Variants in HMMR observed in about 807,000 individuals in gnomAD.
HMMR encodes the protein intracellular hyaluronic acid-binding protein.
HMMR carries 108 observed loss-of-function variants against 101.0 expected under a neutral mutation model. That is an observed-to-expected ratio of 1.07 (90% CI 0.92 to 1.25). The LOEUF (loss-of-function observed/expected upper bound fraction) is 1.25, where lower values mean the gene tolerates loss of function less well. HMMR is among the 50% of genes most tolerant of loss of function. The probability of loss-of-function intolerance (pLI) is 0.00; values close to 1 mark genes in which losing one functional copy is unlikely to be tolerated. For missense variants in HMMR, 813 were observed against 788.7 expected, an observed-to-expected ratio of 1.03 and a Z score of -0.37; for synonymous variants, 296 against 276.4, an observed-to-expected ratio of 1.07 and a Z score of -0.70.
In HMMR at chr5:163,474,181, T is replaced by G. The variant is rs1758996046; in HGVS notation, c.1029T>G (p.Ile343Met). ...AGCTTCAACAAAAAGAATTACAAAT[T>G]GATTCACTTCTGCAACAAGAGAAAG... Reference protein sequence around the residue: ...REKLQQKELQIDSLLQQEKEL... With the variant: ...REKLQQKELQMDSLLQQEKEL... The change falls in exon 10 of 18, where the codon ATT becomes ATG. Residue 343 changes from isoleucine (I) to methionine (M), a missense_variant. Transcript: ENST00000393915. 1 of 1,608,466 alleles carries G rather than the reference T, an allele frequency of 6.2e-7. No individual in the cohort carries two copies. Among genetic ancestry groups the G allele is most frequent in the East Asian group, 2.2e-5 (1 of 44,700 alleles).
chr5:163,473,596 G>A (rs752604297), intron 9 of HMMR, 39 bp downstream of exon 9: 2 of 1,287,310 alleles, frequency 1.6e-6, no homozygotes, highest in East Asian at 2.4e-5. Context: ...TTAGATAAGT[G>A]TTACATACAA....
intron 1 of HMMR, among the ~76,000 whole-genome samples, chr5:163,462,893 C>G (rs1223175229): frequency 6.7e-6 from 1 of 149,540 alleles, no homozygotes; most frequent in Non-Finnish European, 1.5e-5. Context: ...ATTTAGGGGA[C>G]AGCAGTAGTT....
intron 3 of HMMR, among the ~76,000 whole-genome samples, chr5:163,465,429 G>A (rs991506285): frequency 6.6e-6 from 1 of 152,120 alleles, no homozygotes; most frequent in Non-Finnish European, 1.5e-5. Flanking sequence ...TGTCCCCACA[G>A]GCTCAAGCGA....
At chr5:163,474,678 T>C (rs1759012426) in intron 10 of HMMR, 1 of 415,486 alleles carries the variant, frequency 2.4e-6, no homozygotes, top group African/African-American at 2.1e-5. Context: ...ATACTCCACC[T>C]TAGTAGTAAC....
Position 163,474,198 on chromosome 5 carries a change from A to T in HMMR, c.1046A>T (p.Gln349Leu). ...TTACAAATTGATTCACTTCTGCAAC[A>T]AGAGAAAGTAATTTACCACCATATT... is the stretch of plus-strand genomic sequence containing the variant. The part of the protein sequence containing the change: ...KELQIDSLLQ[Q>L]EKELSSSLHQ... Residue 349 changes from glutamine to leucine, a missense_variant, in exon 10 of 18, where the codon CAA (glutamine) becomes CTA (leucine). Coordinates refer to ENST00000393915, the MANE Select transcript of HMMR (RefSeq NM_001142556.2). 6.2e-7 allele frequency: 1 copy of T among 1,601,316 alleles called. No individual in the cohort carries two copies. The highest frequency in any genetic ancestry group is 8.5e-7 in the Non-Finnish European group (1 of 1,174,820).
At chr5:163,467,132 C>G (rs747675189) in intron 3 of HMMR, among the ~76,000 whole-genome samples, 1 of 152,130 alleles carries the variant, frequency 6.6e-6, no homozygotes, top group Non-Finnish European at 1.5e-5. Context: ...ATGTTGATGC[C>G]TTTCTTCCAT....
rs1758645670 is a variant in HMMR, at chr5:163,464,747, A to G, written c.170A>G (p.Asp57Gly). 6.2e-7 allele frequency: 1 copy of G among 1,612,708 alleles called. No individual in the cohort carries two copies. Among genetic ancestry groups the G allele is most frequent in the African/African-American group, 1.3e-5 (1 of 75,042 alleles). ...GAATCTAAACAAAATCTTAATGTTG[A>G]CAAAGATACTACCTTGCCTGCTTCA... ...QKESKQNLNV[D>G]KDTTLPASAR... is the part of the protein sequence containing the mutation. Residue 57 changes from aspartate (D) to glycine (G), a missense_variant, in exon 3 of 18, where the codon GAC becomes GGC. By Grantham distance (94) the Asp-to-Gly change is moderately conservative. Transcript: ENST00000393915.
In HMMR at chr5:163,460,706, A is replaced by C. The variant is rs764195032; in HGVS notation, c.14A>C (p.Lys5Thr). ...CTGGCCGTCAACATGTCCTTTCCTA[A>C]GGCGCCCTTGAAACGATTCAATGAC... MSFP[K>T]APLKRFNDPS... Residue 5 changes from lysine (K) to threonine (T), a missense_variant, in exon 1 of 18, where the codon AAG becomes ACG. By Grantham distance (78) the Lys-to-Thr change is moderately conservative (BLOSUM62 -1). Coordinates refer to ENST00000393915, the MANE Select transcript of HMMR (RefSeq NM_001142556.2). 2 of 1,608,008 alleles carry C rather than the reference A, an allele frequency of 1.2e-6. No homozygotes were observed. Among genetic ancestry groups the C allele is most frequent in the South Asian group, 2.2e-5 (2 of 89,664 alleles).
At chr5:163,476,718 T>C (rs549505857) in intron 11 of HMMR, among the ~76,000 whole-genome samples, 1 of 152,232 alleles carries the variant, frequency 6.6e-6, no homozygotes, top group South Asian at 2.1e-4. Context: ...GTAAGAAATC[T>C]CTTATTTACA....
Position 163,473,253 on chromosome 5 carries a change from G to C in HMMR, c.725G>C (p.Ser242Thr). The C allele has an allele frequency of 6.5e-7, 1 of 1,544,126 alleles. No individual in the cohort carries two copies. The highest frequency in any genetic ancestry group is 8.9e-7 in the Non-Finnish European group (1 of 1,121,092). Residue 242 changes from serine (S) to threonine (T), a missense_variant and splice_region_variant, in exon 8 of 18, where the codon AGT becomes ACT. Ser to Thr is a moderately conservative substitution (Grantham distance 58). Coordinates refer to ENST00000393915, the MANE Select transcript of HMMR (RefSeq NM_001142556.2). ...CTCTTGGAATACATCGAAGAAATTAGGTAATATGAGCAGTAGCTTTAAATT... is the reference window on the plus strand; with the variant it reads ...CTCTTGGAATACATCGAAGAAATTACGTAATATGAGCAGTAGCTTTAAATT... ...EKLLEYIEEI[S>T]CASDQVEKYK...
intron 10 of HMMR, chr5:163,474,583 G>A (rs1039131564): frequency 1.3e-5 from 6 of 455,794 alleles, no homozygotes; most frequent in African/African-American, 4.0e-5. Flanking sequence ...TTACATATCA[G>A]TGAGAAGAAA....
At chr5:163,464,081 T>C (rs1758623846) in intron 2 of HMMR, 127 bp downstream of exon 2, 21 of 421,366 alleles carry the variant, frequency 5.0e-5, no homozygotes. Context: ...AAATTTTATT[T>C]GATGGATTTA....
intron 16 of HMMR, among the ~76,000 whole-genome samples, chr5:163,488,489 G>C (rs1255814082): frequency 6.6e-6 from 1 of 152,040 alleles, no homozygotes; most frequent in African/African-American, 2.4e-5. Context: ...CCCTCCTTTT[G>C]GGGGCTTTTT....
chr5:163,473,076 G>C (rs1376674299), intron 7 of HMMR, 103 bp from the exon 8 acceptor site: 1 of 626,262 alleles, frequency 1.6e-6, no homozygotes, highest in African/African-American at 1.9e-5. Context: ...TTAGGGCTCT[G>C]TAGTCAGCCT....
At chr5:163,472,663 T>C (rs1002101738) in intron 7 of HMMR, among the ~76,000 whole-genome samples, 1 of 152,254 alleles carries the variant, frequency 6.6e-6, no homozygotes, top group African/African-American at 2.4e-5. Context: ...TTTGTGATTT[T>C]AATTTGTTAC....
chr5:163,474,636 AAGG>A (rs1340120398), intron 10 of HMMR: 3 of 454,978 alleles, frequency 6.6e-6, no homozygotes, highest in Admixed American at 2.4e-5. Flanking sequence ...GGAAACAGAG[AAGG>A]AGAAGTTCTG....
chr5:163,469,554 A>G (rs923185232), intron 4 of HMMR, 87 bp from the exon 5 acceptor site: 2 of 1,092,332 alleles, frequency 1.8e-6, no homozygotes, highest in Admixed American at 2.3e-5. Flanking sequence ...AGATTTTTCC[A>G]GAAACTTTAG....
chr5:163,484,301 C>A, intron 16 of HMMR, 56 bp downstream of exon 16: 2 of 823,274 alleles, frequency 2.4e-6, no homozygotes, highest in Non-Finnish European at 3.7e-6. Flanking sequence ...GTTATTCTAA[C>A]TATAATACTT....
Position 163,484,238 on chromosome 5 carries a change from T to C in HMMR, c.1955T>C (p.Leu652Pro), listed in dbSNP as rs1310269604. The change falls in exon 16 of 18, where the codon CTC becomes CCC. Residue 652 changes from leucine (L) to proline (P), a missense_variant. Leu to Pro is a moderately conservative substitution (Grantham distance 98). Transcript: ENST00000393915. ...AAGTTGAAAGATGAAAATAGCCAAC[T>C]CAAATCGGTTTGTAAAATGACTTTT... Reference protein sequence around the residue: ...VVKLKDENSQLKSEVSKLRCQ... With the variant: ...VVKLKDENSQPKSEVSKLRCQ... 1.9e-6 allele frequency: 3 copies of C among 1,579,738 alleles called. No homozygotes were observed. Among genetic ancestry groups the C allele is most frequent in the Non-Finnish European group, 2.6e-6 (3 of 1,159,070 alleles).
Sources: gnomAD v4.1 joint callset for allele counts (sites outside exome capture counted in the v4.1 genomes callset) on GRCh38, gnomAD v4.1.1 for gene constraint, MANE v1.5 for transcripts, NCBI Gene and HGNC (gene_info 2026-07-23, HGNC 2026-07-21) for gene names.